XKR4: variants seen among roughly 807,000 people sequenced by gnomAD.
XKR4 encodes the protein XK-related protein 4.
In XKR4, 12 loss-of-function variants were observed where a neutral mutation model predicts 53.9. The ratio of observed to expected loss-of-function variants is 0.22; its 90% CI spans 0.14 to 0.36. XKR4 has a LOEUF of 0.36. Ranked by LOEUF, XKR4 falls within the 10% of genes least tolerant of loss-of-function variation. The pLI, the probability that XKR4 is intolerant of heterozygous loss-of-function variation, is 1.00. For missense variants in XKR4, 799 were observed against 859.5 expected, an observed-to-expected ratio of 0.93 and a Z score of 0.88; for synonymous variants, 354 against 362.4, an observed-to-expected ratio of 0.98 and a Z score of 0.26.
intron 1 of XKR4, among the ~76,000 whole-genome samples, chr8:55,171,569 G>T (rs1041904044): frequency 3.9e-5 from 6 of 152,120 alleles, no homozygotes; most frequent in African/African-American, 1.4e-4. Flanking sequence ...ATGGGACTTG[G>T]TTCCTCGTCT....
chr8:55,476,665 C>T (rs1190330306), intron 2 of XKR4, among the ~76,000 whole-genome samples: 1 of 152,058 alleles, frequency 6.6e-6, no homozygotes, highest in African/African-American at 2.4e-5. Context: ...TGACAGACGG[C>T]ACCTGGAAAA....
rs1040577094 is a variant in XKR4 at position 55,102,345 on chromosome 8, C to T, written c.-144C>T. 12 of 1,089,324 alleles carry T rather than the reference C, an allele frequency of 1.1e-5. No individual in the cohort carries two copies. Among genetic ancestry groups the T allele is most frequent in the Admixed American group, 5.3e-5 (1 of 18,914 alleles). 67.5% of individuals were successfully genotyped at this position (1,089,324 alleles called of 1,614,324 possible). A position where few individuals can be genotyped will look rare whatever the true frequency, so the allele number is the denominator to read the frequency against. On this transcript the variant is annotated 5_prime_UTR_variant, in exon 1 of 3. Coordinates refer to ENST00000327381, the MANE Select transcript of XKR4 (RefSeq NM_052898.2). The surrounding 1 kb of genome is among the most constrained non-coding windows in gnomAD (Gnocchi z 5.1). Reference sequence around the variant, plus strand: ...GCGGGCGGCGGGCGGCGGCGGACGGCAGGCGAGCCGACGCAGGAGCAGGAG... The same window carrying T: ...GCGGGCGGCGGGCGGCGGCGGACGGTAGGCGAGCCGACGCAGGAGCAGGAG...
intron 1 of XKR4, among the ~76,000 whole-genome samples, chr8:55,215,975 C>T (rs1047720104): frequency 6.6e-6 from 1 of 152,138 alleles, no homozygotes; most frequent in Admixed American, 6.5e-5. Context: ...TGCCCTCTCC[C>T]CACAAAAACA....
At position 55,526,330 on chromosome 8, in the gene XKR4, C is replaced by T. The variant is rs138341076; in HGVS notation, c.*2103C>T. ...ACCTAGGACTTCTTTTGGTACAAAG[C>T]CCCAAATCAATTTTTTTAAAAAATA... On this transcript the variant is annotated 3_prime_UTR_variant, in exon 3 of 3. Coordinates refer to ENST00000327381, the MANE Select transcript of XKR4 (RefSeq NM_052898.2). The T allele has an allele frequency of 2.0e-5, 3 of 152,086 alleles. No homozygotes were observed. The highest frequency in any genetic ancestry group is 7.2e-5 in the African/African-American group (3 of 41,420). The allele number at this position is 152,086 out of a possible 1,614,324, so 9.4% of individuals were successfully genotyped here. A position where few individuals can be genotyped will look rare whatever the true frequency, so the allele number is the denominator to read the frequency against.
At chr8:55,133,211 TAC>T (rs1816582740) in intron 1 of XKR4, among the ~76,000 whole-genome samples, 2 of 152,228 alleles carry the variant, frequency 1.3e-5, no homozygotes, top group African/African-American at 4.8e-5. Flanking sequence ...GATAGTGGAA[TAC>T]ACAAGAAATT....
intron 2 of XKR4, among the ~76,000 whole-genome samples, chr8:55,400,664 A>G (rs1480161270): frequency 6.6e-6 from 1 of 152,108 alleles, no homozygotes; most frequent in Non-Finnish European, 1.5e-5. Context: ...TCTAAACCCA[A>G]AAGGTCTCCA....
At chr8:55,453,329 T>G (rs1805487974) in intron 2 of XKR4, 11 of 479,508 alleles carry the variant, frequency 2.3e-5, no homozygotes, top group South Asian at 1.5e-4. Context: ...AAACTGCTGG[T>G]GGTCCAGGAC....
intron 2 of XKR4, among the ~76,000 whole-genome samples, chr8:55,478,782 A>G (rs1806048321): frequency 6.6e-6 from 1 of 152,122 alleles, no homozygotes; most frequent in Non-Finnish European, 1.5e-5. Context: ...TTAAACCAAC[A>G]GAGATCAAAA....
At chr8:55,126,664 T>C (rs1816472574) in intron 1 of XKR4, among the ~76,000 whole-genome samples, 1 of 152,192 alleles carries the variant, frequency 6.6e-6, no homozygotes, top group Non-Finnish European at 1.5e-5. Context: ...CCCATCAGAC[T>C]TTCAGTTCTA....
intron 1 of XKR4, among the ~76,000 whole-genome samples, chr8:55,199,600 A>G (rs12546778): frequency 0.3 from 45,202 of 152,120 alleles, 7,598 homozygotes; most frequent in African/African-American, 0.46. Flanking sequence ...TTCAGAGTTC[A>G]TAAGTAACAG....
chr8:55,388,824 C>T (rs551550654), intron 2 of XKR4, among the ~76,000 whole-genome samples: 5 of 152,296 alleles, frequency 3.3e-5, no homozygotes, highest in South Asian at 2.1e-4. Context: ...CTGTTATCCT[C>T]GGCTTACACT....
intron 1 of XKR4, among the ~76,000 whole-genome samples, chr8:55,123,640 C>G (rs918272163): frequency 2.6e-5 from 4 of 152,156 alleles, no homozygotes; most frequent in African/African-American, 9.7e-5. Context: ...CAGGCCTGGC[C>G]CTTAACAAGT....
chr8:55,172,504 A>G (rs1264771092), intron 1 of XKR4, among the ~76,000 whole-genome samples: 1 of 152,244 alleles, frequency 6.6e-6, no homozygotes, highest in Non-Finnish European at 1.5e-5. Flanking sequence ...ACCCATATGC[A>G]TATAAATACA....
intron 2 of XKR4, among the ~76,000 whole-genome samples, chr8:55,458,187 A>G (rs901431632): frequency 6.6e-6 from 1 of 152,270 alleles, no homozygotes; most frequent in Admixed American, 6.5e-5. Context: ...ACAGTTTTGA[A>G]TAAGAAATAC....
At chr8:55,230,363 CTTTTTTT>C (rs5891564) in intron 1 of XKR4, among the ~76,000 whole-genome samples, 1 of 138,382 alleles carries the variant, frequency 7.2e-6, no homozygotes, top group Middle Eastern at 3.5e-3. Context: ...GAAAGAGACA[CTTTTTTT>C]TTTTTTTTTG....
In XKR4 at chr8:55,524,311, C is replaced by A; in HGVS notation, c.*84C>A. Reference sequence around the variant, plus strand: ...GCCATAATGACACTTCATCCTAGAGCAGGGCAGTGAGCCGTGAAGTTCCTA... The same window carrying A: ...GCCATAATGACACTTCATCCTAGAGAAGGGCAGTGAGCCGTGAAGTTCCTA... On this transcript the variant is annotated 3_prime_UTR_variant, in exon 3 of 3. Transcript: ENST00000327381. 2 of 1,358,276 alleles carry A rather than the reference C, an allele frequency of 1.5e-6. No homozygotes were observed. Among genetic ancestry groups the A allele is most frequent in the Non-Finnish European group, 2.0e-6 (2 of 990,692 alleles). 84.1% of individuals were successfully genotyped at this position (1,358,276 alleles called of 1,614,324 possible). A position where few individuals can be genotyped will look rare whatever the true frequency, so the allele number is the denominator to read the frequency against.
chr8:55,274,410 G>A (rs955460272), intron 1 of XKR4, among the ~76,000 whole-genome samples: 7 of 151,450 alleles, frequency 4.6e-5, no homozygotes, highest in Non-Finnish European at 1.0e-4. Flanking sequence ...CATATTTGTT[G>A]AATATATCTG....
At chr8:55,504,171 TTTG>T (rs1312965215) in intron 2 of XKR4, among the ~76,000 whole-genome samples, 2 of 149,180 alleles carry the variant, frequency 1.3e-5, no homozygotes, top group East Asian at 2.0e-4. Context: ...AGTTTTCTTT[TTTG>T]TTGTTGTTGT....
chr8:55,233,199 T>A (rs1395399018), intron 1 of XKR4, among the ~76,000 whole-genome samples: 1 of 152,238 alleles, frequency 6.6e-6, no homozygotes, highest in Non-Finnish European at 1.5e-5. Context: ...CTACAACGCC[T>A]GGCTTCAGAA....
Sources: gnomAD v4.1 joint callset for allele counts (sites outside exome capture counted in the v4.1 genomes callset) on GRCh38, gnomAD v4.1.1 for gene constraint, Gnocchi (gnomAD v3.1) non-coding constraint, MANE v1.5 for transcripts, NCBI Gene and HGNC (gene_info 2026-07-23, HGNC 2026-07-21) for gene names.